MDGA2: variants seen among roughly 807,000 people sequenced by gnomAD.
MDGA2 encodes the protein MAM domain containing glycosylphosphatidylinositol anchor 2.
In MDGA2, 40 loss-of-function variants were observed where a neutral mutation model predicts 117.8. The ratio of observed to expected loss-of-function variants is 0.34; its 90% CI spans 0.26 to 0.44. The LOEUF is 0.44. Ranked by LOEUF, MDGA2 falls within the 20% of genes least tolerant of loss-of-function variation. The pLI is 1.00. For missense variants in MDGA2, 1,123 were observed against 1,250.6 expected (o/e 0.90, Z 1.54); for synonymous variants, 452 against 439.0 (o/e 1.03, Z -0.37).
chr14:46,955,700 G>A (rs1381604909), intron 9 of MDGA2, among the ~76,000 whole-genome samples: 2 of 147,284 alleles, frequency 1.4e-5, no homozygotes, highest in East Asian at 2.0e-4. Flanking sequence ...AGGTATAGAC[G>A]TCATTGCATT....
intron 10 of MDGA2, among the ~76,000 whole-genome samples, chr14:46,902,544 T>TGTTAAGAGAAATTTTCTAC (rs1270500919): frequency 6.6e-6 from 1 of 152,188 alleles, no homozygotes; most frequent in African/African-American, 2.4e-5. Context: ...TTCTTTTCTA[T>TGTTAAGAGAAATTTTCTAC]GCTAAGAGAA....
intron 10 of MDGA2, among the ~76,000 whole-genome samples, chr14:46,899,447 A>G (rs1883201511): frequency 6.6e-6 from 1 of 152,062 alleles, no homozygotes; most frequent in Non-Finnish European, 1.5e-5. Flanking sequence ...AGGTGGTTAG[A>G]AAGAAGTTAC....
At chr14:47,492,127 T>A (rs1395983225) in intron 1 of MDGA2, among the ~76,000 whole-genome samples, 1 of 152,158 alleles carries the variant, frequency 6.6e-6, no homozygotes, top group African/African-American at 2.4e-5. Flanking sequence ...GCTTCCTCAT[T>A]CCAAGAACCC....
At chr14:46,859,110 T>C (rs918801035) in intron 14 of MDGA2, among the ~76,000 whole-genome samples, 2 of 152,150 alleles carry the variant, frequency 1.3e-5, no homozygotes, top group African/African-American at 4.8e-5. Context: ...GGGGCTTGCA[T>C]TTAGTTTAGG....
chr14:46,903,099 C>T (rs961438235), intron 10 of MDGA2, among the ~76,000 whole-genome samples: 7 of 152,182 alleles, frequency 4.6e-5, no homozygotes, highest in Non-Finnish European at 8.8e-5. Flanking sequence ...GGTGGGAGCG[C>T]TGGCAGGAAT....
At chr14:47,300,689 C>T (rs1889248550) in intron 2 of MDGA2, among the ~76,000 whole-genome samples, 1 of 149,596 alleles carries the variant, frequency 6.7e-6, no homozygotes, top group South Asian at 2.1e-4. Flanking sequence ...TGTAGAGACA[C>T]AGTCTCCTTT....
At chr14:47,356,945 T>C (rs1211483961) in intron 1 of MDGA2, among the ~76,000 whole-genome samples, 1 of 152,180 alleles carries the variant, frequency 6.6e-6, no homozygotes, top group Non-Finnish European at 1.5e-5. Context: ...CAGACTATCA[T>C]ATAGCACTCC....
At chr14:46,859,473 C>T (rs1881420188) in intron 14 of MDGA2, among the ~76,000 whole-genome samples, 1 of 152,148 alleles carries the variant, frequency 6.6e-6, no homozygotes, top group Admixed American at 6.5e-5. Context: ...CCAATGACAT[C>T]AATTGTACAG....
intron 2 of MDGA2, among the ~76,000 whole-genome samples, chr14:47,227,815 CAGT>C (rs1201197268): frequency 6.6e-6 from 1 of 152,146 alleles, no homozygotes; most frequent in South Asian, 2.1e-4. Flanking sequence ...GACTTCTGAA[CAGT>C]TGACTGCCTT....
Position 47,035,034 on chromosome 14 carries a change from G to A in MDGA2, c.1796C>T (p.Ala599Val), listed in dbSNP as rs760600372. 37 of 1,613,474 alleles carry A rather than the reference G, an allele frequency of 2.3e-5. No individual in the cohort carries two copies. In the African/African-American group the frequency reaches 3.2e-4, roughly 14 times the overall value. ...ACACTGAACGATGAGCTGCACCAAG[G>A]CTTCCCTTGGTTTCACGTTAAATCC... ...YNGFNVKPRE[A>V]LVQLIVQYPP... is the part of the protein sequence containing the mutation. Residue 599 changes from alanine to valine, a missense_variant, in exon 8 of 17, where the codon GCC becomes GTC. Ala to Val is a moderately conservative substitution (Grantham distance 64). Coordinates refer to ENST00000399232, the MANE Select transcript of MDGA2 (RefSeq NM_001113498.3).
chr14:47,319,039 C>T (rs1040502983), intron 1 of MDGA2, among the ~76,000 whole-genome samples: 4 of 152,038 alleles, frequency 2.6e-5, no homozygotes, highest in African/African-American at 9.7e-5. Flanking sequence ...ATTGCCTTTC[C>T]TATGTTCTAT....
chr14:46,965,323 T>G (rs1423307213), intron 8 of MDGA2, among the ~76,000 whole-genome samples: 1 of 152,132 alleles, frequency 6.6e-6, no homozygotes, highest in Non-Finnish European at 1.5e-5. Flanking sequence ...ACTCTCTCTA[T>G]ATATGAATGT....
chr14:47,312,696 T>G (rs1191976816), intron 1 of MDGA2, among the ~76,000 whole-genome samples: 2 of 141,674 alleles, frequency 1.4e-5, no homozygotes, highest in African/African-American at 5.3e-5. Context: ...TTGTTTTGTT[T>G]TGTTTTTTTT....
At chr14:47,171,686 C>T (rs549204241) in intron 3 of MDGA2, among the ~76,000 whole-genome samples, 1 of 152,300 alleles carries the variant, frequency 6.6e-6, no homozygotes, top group African/African-American at 2.4e-5. Context: ...CGAATAGGAA[C>T]AGCTCCGGTC....
intron 1 of MDGA2, chr14:47,626,419 C>G (rs1353177754): frequency 6.5e-6 from 1 of 153,168 alleles, no homozygotes; most frequent in Non-Finnish European, 1.5e-5. Context: ...CTCCTTCGCT[C>G]TCGGCGCCTC....
At chr14:46,858,074 ATAT>A in intron 14 of MDGA2, among the ~76,000 whole-genome samples, 1 of 151,494 alleles carries the variant, frequency 6.6e-6, no homozygotes, top group Non-Finnish European at 1.5e-5. Context: ...AAGTACTTAT[ATAT>A]AATGTAACTT....
intron 9 of MDGA2, among the ~76,000 whole-genome samples, chr14:46,944,576 T>C (rs1447047024): frequency 1.3e-5 from 2 of 151,944 alleles, no homozygotes; most frequent in Non-Finnish European, 2.9e-5. Context: ...TGCACCTGTT[T>C]TCAACTATTT....
chr14:47,440,864 C>T (rs1892995601), intron 1 of MDGA2, among the ~76,000 whole-genome samples: 1 of 152,084 alleles, frequency 6.6e-6, no homozygotes, highest in South Asian at 2.1e-4. Flanking sequence ...ACTTCTCTTA[C>T]CTCTGCCCTT....
intron 8 of MDGA2, among the ~76,000 whole-genome samples, chr14:46,969,924 A>G (rs1475195342): frequency 2.2e-5 from 3 of 133,948 alleles, no homozygotes; most frequent in East Asian, 2.4e-4. Context: ...CTTAGAACTT[A>G]AAGTATTCCA....
Sources: allele counts gnomAD v4.1 joint callset (sites outside exome capture counted in the v4.1 genomes callset), GRCh38; gene constraint gnomAD v4.1.1; transcripts MANE v1.5; gene names NCBI Gene and HGNC (gene_info 2026-07-23, HGNC 2026-07-21).